SEMA3E: variants seen among roughly 807,000 people sequenced by gnomAD.
SEMA3E encodes semaphorin-3E.
In SEMA3E, 49 loss-of-function variants were observed where a neutral mutation model predicts 93.6. The ratio of observed to expected loss-of-function variants is 0.52; its 90% CI spans 0.42 to 0.66. The LOEUF (loss-of-function observed/expected upper bound fraction) is 0.66. SEMA3E is among the 30% of genes least tolerant of loss of function. The probability of loss-of-function intolerance (pLI) is 0.00; values close to 1 mark genes in which losing one functional copy is unlikely to be tolerated. For missense variants in SEMA3E, 906 were observed against 964.8 expected, an observed-to-expected ratio of 0.94 and a Z score of 0.81; for synonymous variants, 363 against 330.7, an observed-to-expected ratio of 1.10 and a Z score of -1.06.
At chr7:83,519,507 C>T (rs1477234762) in intron 1 of SEMA3E, among the ~76,000 whole-genome samples, 1 of 152,068 alleles carries the variant, frequency 6.6e-6, no homozygotes, top group Non-Finnish European at 1.5e-5. Context: ...TAGAAATCAC[C>T]ATGTTTATCA....
chr7:83,606,826 T>C (rs1279980229), intron 1 of SEMA3E, among the ~76,000 whole-genome samples: 3 of 151,988 alleles, frequency 2.0e-5, no homozygotes, highest in African/African-American at 7.3e-5. Flanking sequence ...AATGTATGTA[T>C]TTTCTACTTG....
In SEMA3E at chr7:83,400,534, C is replaced by A. The variant is rs376956592; in HGVS notation, c.1144-284G>T. Among the ~76,000 whole-genome samples, 113 of 152,068 alleles carry A rather than the reference C, an allele frequency of 7.4e-4. No homozygotes were observed. In the South Asian group the frequency reaches 0.023, roughly 31 times the overall value. ...AATAGTTCTTTTTTCTGATCCTCTC[C>A]CTCCTCCCACCCTCTGACTTCAAGC... On this transcript the variant is annotated intron_variant, in intron 10 of 16. Coordinates refer to ENST00000643230, the MANE Select transcript of SEMA3E (RefSeq NM_012431.3).
intron 1 of SEMA3E, among the ~76,000 whole-genome samples, chr7:83,494,573 G>A (rs912817197): frequency 4.0e-5 from 6 of 151,738 alleles, no homozygotes; most frequent in Non-Finnish European, 8.8e-5. Flanking sequence ...TTAAATTAAA[G>A]TAATGTAAAG....
chr7:83,406,175 A>C, intron 7 of SEMA3E, 116 bp from the exon 8 acceptor site: 2 of 770,382 alleles, frequency 2.6e-6, no homozygotes, highest in East Asian at 2.6e-5. Context: ...TAACTAGGAA[A>C]ATTTGGCATA....
At chr7:83,484,148 T>G (rs1790205042) in intron 2 of SEMA3E, among the ~76,000 whole-genome samples, 1 of 152,210 alleles carries the variant, frequency 6.6e-6, no homozygotes, top group Non-Finnish European at 1.5e-5. Context: ...AGAACACTGT[T>G]TCTCTATCAG....
intron 14 of SEMA3E, among the ~76,000 whole-genome samples, chr7:83,389,542 T>A (rs1362075862): frequency 6.6e-6 from 1 of 152,014 alleles, no homozygotes; most frequent in Non-Finnish European, 1.5e-5. Flanking sequence ...CAGTTCATTT[T>A]ATACTATCCC....
chr7:83,523,240 C>T (rs1791085362), intron 1 of SEMA3E, among the ~76,000 whole-genome samples: 1 of 152,046 alleles, frequency 6.6e-6, no homozygotes, highest in African/African-American at 2.4e-5. Flanking sequence ...CTTCCATCTT[C>T]CTGAACTTGA....
rs1458084114 is a variant in SEMA3E at position 83,363,546 on chromosome 7, A to G, written c.*4040T>C. 6.6e-6 allele frequency: 1 copy of G among 152,202 alleles called. No individual in the cohort carries two copies. The highest frequency in any genetic ancestry group is 1.5e-5 in the Non-Finnish European group (1 of 68,044). The allele number at this position is 152,202 out of a possible 1,614,324, so 9.4% of individuals were successfully genotyped here. ...TTTAAACACAAGCAGAACACAATTT[A>G]TAATGAAAGCCAAAATATAAAGCTA... is the stretch of plus-strand genomic sequence containing the variant. On this transcript the variant is annotated 3_prime_UTR_variant, in exon 17 of 17. Coordinates refer to ENST00000643230, the MANE Select transcript of SEMA3E (RefSeq NM_012431.3).
chr7:83,630,134 C>T (rs1793757961), intron 1 of SEMA3E, among the ~76,000 whole-genome samples: 1 of 152,176 alleles, frequency 6.6e-6, no homozygotes, highest in African/African-American at 2.4e-5. Flanking sequence ...TAACCAGTCC[C>T]AATGAGATGA....
chr7:83,475,143 G>C (rs549625107), intron 2 of SEMA3E, among the ~76,000 whole-genome samples: 1 of 151,522 alleles, frequency 6.6e-6, no homozygotes, highest in Non-Finnish European at 1.5e-5. Context: ...CATAACTTAC[G>C]AGATATAGGC....
At chr7:83,642,067 G>T (rs965819440) in intron 1 of SEMA3E, among the ~76,000 whole-genome samples, 2 of 152,086 alleles carry the variant, frequency 1.3e-5, no homozygotes, top group Non-Finnish European at 2.9e-5. Flanking sequence ...TCGAATGTAA[G>T]AGTGTTTTCT....
intron 1 of SEMA3E, among the ~76,000 whole-genome samples, chr7:83,534,908 C>T (rs972330540): frequency 6.6e-5 from 10 of 152,138 alleles, no homozygotes; most frequent in Non-Finnish European, 1.5e-4. Context: ...GAATGGTATT[C>T]CAATCTAGTG....
intron 4 of SEMA3E, among the ~76,000 whole-genome samples, chr7:83,445,938 G>T (rs1789219213): frequency 6.6e-6 from 1 of 152,142 alleles, no homozygotes; most frequent in Non-Finnish European, 1.5e-5. Context: ...GGTGAAGGCA[G>T]CATTGGAGAC....
At chr7:83,597,421 T>C (rs921036511) in intron 1 of SEMA3E, among the ~76,000 whole-genome samples, 2 of 152,186 alleles carry the variant, frequency 1.3e-5, no homozygotes, top group Non-Finnish European at 2.9e-5. Flanking sequence ...TAATCTTCTG[T>C]ATCTGTGGAC....
chr7:83,586,623 T>G (rs1287866820), intron 1 of SEMA3E, among the ~76,000 whole-genome samples: 1 of 151,712 alleles, frequency 6.6e-6, no homozygotes, highest in African/African-American at 2.4e-5. Flanking sequence ...GCACGCTATT[T>G]TAATCAGTAA....
intron 1 of SEMA3E, among the ~76,000 whole-genome samples, chr7:83,578,975 A>G (rs1792463785): frequency 6.6e-6 from 1 of 152,134 alleles, no homozygotes; most frequent in Non-Finnish European, 1.5e-5. Flanking sequence ...AATCAGAAAT[A>G]TATAGAAATT....
intron 16 of SEMA3E, among the ~76,000 whole-genome samples, 180 bp downstream of exon 16, chr7:83,385,114 A>G (rs1787851884): frequency 6.6e-6 from 1 of 150,724 alleles, no homozygotes; most frequent in Non-Finnish European, 1.5e-5. Context: ...ATCTATATGT[A>G]TATATATTTA....
At chr7:83,566,671 A>T (rs531424089) in intron 1 of SEMA3E, among the ~76,000 whole-genome samples, 37 of 152,278 alleles carry the variant, frequency 2.4e-4, no homozygotes, top group African/African-American at 8.7e-4. Context: ...AAATTTTAAC[A>T]TGTTTTGAAA....
In SEMA3E at chr7:83,406,022, C is replaced by T; in HGVS notation, c.851G>A (p.Trp284Ter). Residue 284 changes from tryptophan to a stop codon, truncating the protein, a stop_gained, in exon 8 of 17, where the codon TGG becomes TAG. Transcript: ENST00000643230. LOFTEE classifies it high-confidence loss of function. Reference sequence around the variant, plus strand: ...GAGTCTCGCTTTTAGGAAAGTGCTCCACTTATTCACCAGTATTCTCTGCCC... The same window carrying T: ...GAGTCTCGCTTTTAGGAAAGTGCTCTACTTATTCACCAGTATTCTCTGCCC... ...VGGQRILVNK[W>*]STFLKARLVC... is the part of the protein sequence containing the mutation. 6.2e-7 allele frequency: 1 copy of T among 1,613,248 alleles called. No homozygotes were observed. The highest frequency in any genetic ancestry group is 8.5e-7 in the Non-Finnish European group (1 of 1,179,390).
Sources: allele counts gnomAD v4.1 joint callset (sites outside exome capture counted in the v4.1 genomes callset), GRCh38; gene constraint gnomAD v4.1.1; transcripts MANE v1.5; gene names NCBI Gene and HGNC (gene_info 2026-07-23, HGNC 2026-07-21).